Variants in APBB2 observed in about 807,000 individuals in gnomAD.
APBB2 encodes the protein amyloid beta precursor protein binding family B member 2.
In APBB2, 38 loss-of-function variants were observed where a neutral mutation model predicts 82.5. The observed-to-expected ratio is 0.46, with a 90% confidence interval of 0.36 to 0.60. APBB2 has a LOEUF of 0.60. Among genes scored for constraint, APBB2 ranks in the 20% least tolerant of loss-of-function variants. The pLI, the probability that APBB2 is intolerant of heterozygous loss-of-function variation, is 0.00. For synonymous variants in APBB2, 341 were observed against 368.2 expected (o/e 0.93, Z 0.85); for missense variants, 772 against 972.3 (o/e 0.79, Z 2.74).
At chr4:40,975,753 A>AACACACAC (rs368424451) in intron 6 of APBB2, among the ~76,000 whole-genome samples, 16,522 of 141,918 alleles carry the variant, frequency 0.12, 944 homozygotes, top group African/African-American at 0.15. Context: ...GTAGTAAGAA[A>AACACACAC]ACACACACAC....
chr4:40,945,452 T>C (rs1486264670), intron 6 of APBB2, among the ~76,000 whole-genome samples: 1 of 151,744 alleles, frequency 6.6e-6, no homozygotes, highest in Non-Finnish European at 1.5e-5. Flanking sequence ...TATTAAGATT[T>C]ATTGGTTGGC....
intron 4 of APBB2, among the ~76,000 whole-genome samples, chr4:41,044,531 A>G (rs527373663): frequency 6.6e-6 from 1 of 152,222 alleles, no homozygotes; most frequent in African/African-American, 2.4e-5. Context: ...GGAGGAGCTC[A>G]TGAGGAGCAA....
intron 1 of APBB2, among the ~76,000 whole-genome samples, chr4:41,159,916 G>T (rs1359248178): frequency 4.8e-5 from 1 of 20,872 alleles, no homozygotes; most frequent in Admixed American, 7.0e-4. Flanking sequence ...GAAGGAGGAG[G>T]AGGAGGAGGA....
chr4:41,040,577 G>A (rs528395704), intron 4 of APBB2, among the ~76,000 whole-genome samples: 1 of 152,282 alleles, frequency 6.6e-6, no homozygotes, highest in East Asian at 1.9e-4. Flanking sequence ...GATCCCACCA[G>A]AGGCAAGTGA....
At chr4:41,052,373 A>G (rs1339654565) in intron 4 of APBB2, among the ~76,000 whole-genome samples, 2 of 152,126 alleles carry the variant, frequency 1.3e-5, no homozygotes, top group Non-Finnish European at 2.9e-5. Flanking sequence ...CCTGATCCCA[A>G]GCAGGGCACC....
chr4:41,075,452 G>A (rs953704430), intron 3 of APBB2, among the ~76,000 whole-genome samples: 1 of 152,164 alleles, frequency 6.6e-6, no homozygotes, highest in Non-Finnish European at 1.5e-5. Context: ...TCTGCATTTT[G>A]TAAGAGATAC....
intron 10 of APBB2, among the ~76,000 whole-genome samples, chr4:40,902,930 C>T (rs1358604674): frequency 2.0e-5 from 3 of 152,030 alleles, no homozygotes; most frequent in East Asian, 1.9e-4. Context: ...CACTTGAGGC[C>T]GAGAGTTCAA....
In APBB2 at chr4:41,165,873, T is replaced by C. The variant is rs967825077; in HGVS notation, c.-416-22731A>G. On this transcript the variant is annotated intron_variant, in intron 1 of 17. Coordinates refer to ENST00000508593, the MANE Select transcript of APBB2 (RefSeq NM_004307.2). ...ATTCATGCCAGCATGTCAGGCCCCCTTTTTTTTTTTTTTTTTTTGAGACGG... is the reference window on the plus strand; with the variant it reads ...ATTCATGCCAGCATGTCAGGCCCCCCTTTTTTTTTTTTTTTTTTGAGACGG... 5.6e-3 allele frequency among the ~76,000 whole-genome samples: 572 copies of C among 103,046 alleles called. 3 individuals carry two copies. The highest frequency in any genetic ancestry group is 0.025 in the African/African-American group (434 of 17,168). 67.6% of individuals were successfully genotyped at this position (103,046 alleles called of 152,430 possible). A position where few individuals can be genotyped will look rare whatever the true frequency, so the allele number is the denominator to read the frequency against.
chr4:40,947,788 A>G (rs1319232051), intron 6 of APBB2, among the ~76,000 whole-genome samples: 2 of 152,228 alleles, frequency 1.3e-5, no homozygotes, highest in African/African-American at 4.8e-5. Context: ...GGCAGATACC[A>G]TAACTGTCTT....
chr4:41,159,946 A>AGGAGGAGG lies in APBB2; in HGVS notation c.-416-16805_-416-16804insCCTCCTCC, dbSNP rs1560912851. Reference sequence around the variant, plus strand: ...GGAGGAGGAGGAGGAGGAGGAGGAGAAGGAGAAGGAGAAGGAGAAGAAGAA... The same window carrying AGGAGGAGG: ...GGAGGAGGAGGAGGAGGAGGAGGAGAGGAGGAGGAGGAGAAGGAGAAGGAGAAGAAGAA... On this transcript the variant is annotated intron_variant, in intron 1 of 17. Transcript: ENST00000508593. 5.9e-4 allele frequency among the ~76,000 whole-genome samples: 28 copies of AGGAGGAGG among 47,546 alleles called. 2 individuals are homozygous for AGGAGGAGG. Among genetic ancestry groups the AGGAGGAGG allele is most frequent in the East Asian group, 3.9e-3 (7 of 1,808 alleles). The allele number at this position is 47,546 out of a possible 152,430, so 31.2% of individuals were successfully genotyped here.
intron 6 of APBB2, among the ~76,000 whole-genome samples, chr4:40,974,002 C>G (rs1432899980): frequency 6.6e-6 from 1 of 152,050 alleles, no homozygotes; most frequent in African/African-American, 2.4e-5. Flanking sequence ...CAGGCACGCG[C>G]CACCACACCT....
intron 5 of APBB2, among the ~76,000 whole-genome samples, chr4:41,026,895 G>A (rs752949946): frequency 5.9e-5 from 9 of 152,076 alleles, no homozygotes; most frequent in Non-Finnish European, 1.0e-4. Context: ...ATTTATATTT[G>A]TTTATCTGAG....
At chr4:41,213,953 G>A (rs1466815992) in intron 1 of APBB2, among the ~76,000 whole-genome samples, 1 of 152,212 alleles carries the variant, frequency 6.6e-6, no homozygotes, top group African/African-American at 2.4e-5. Context: ...GCCAGGACAA[G>A]GGGGTGTGCG....
chr4:41,135,524 T>G (rs1257086145), intron 2 of APBB2, among the ~76,000 whole-genome samples: 1 of 152,238 alleles, frequency 6.6e-6, no homozygotes, highest in Non-Finnish European at 1.5e-5. Flanking sequence ...TATCGTGTCA[T>G]GCGTATAGAT....
intron 1 of APBB2, among the ~76,000 whole-genome samples, chr4:41,182,821 T>G (rs1315180464): frequency 3.9e-5 from 6 of 152,166 alleles, no homozygotes; most frequent in African/African-American, 1.4e-4. Flanking sequence ...ACTCACTGAC[T>G]ACCATTAGAA....
At chr4:41,074,489 A>G (rs1734913994) in intron 3 of APBB2, among the ~76,000 whole-genome samples, 1 of 152,218 alleles carries the variant, frequency 6.6e-6, no homozygotes, top group Non-Finnish European at 1.5e-5. Context: ...GCAAATAGAA[A>G]GATTTCGTCT....
chr4:41,087,809 G>A (rs993611612), intron 3 of APBB2, among the ~76,000 whole-genome samples: 7 of 152,166 alleles, frequency 4.6e-5, no homozygotes, highest in Admixed American at 2.6e-4. Flanking sequence ...GACAATCACA[G>A]GGGAGACTTG....
At chr4:40,898,176 C>T (rs144344866) in intron 10 of APBB2, among the ~76,000 whole-genome samples, 4 of 152,290 alleles carry the variant, frequency 2.6e-5, no homozygotes, top group East Asian at 3.9e-4. Context: ...ACAGCATGTG[C>T]GAGGCCCAAA....
At chr4:40,992,558 C>T (rs552297362) in intron 6 of APBB2, among the ~76,000 whole-genome samples, 38 of 152,222 alleles carry the variant, frequency 2.5e-4, no homozygotes, top group African/African-American at 8.9e-4. Context: ...ACGTGCTGAA[C>T]AGCAGTCTTG....
Sources: allele counts gnomAD v4.1 joint callset (sites outside exome capture counted in the v4.1 genomes callset), GRCh38; gene constraint gnomAD v4.1.1; transcripts MANE v1.5; gene names NCBI Gene and HGNC (gene_info 2026-07-23, HGNC 2026-07-21).